ZNF518A: variants seen among roughly 807,000 people sequenced by gnomAD.
ZNF518A encodes the protein zinc finger protein 518A.
Under a neutral mutation model 102.7 loss-of-function variants are expected in ZNF518A, and 47 were observed. That is an observed-to-expected ratio of 0.46 (90% CI 0.36 to 0.58). The LOEUF (loss-of-function observed/expected upper bound fraction) is 0.58. Ranked by LOEUF, ZNF518A falls within the 20% of genes least tolerant of loss-of-function variation. The pLI, the probability that ZNF518A is intolerant of heterozygous loss-of-function variation, is 0.00. For synonymous variants in ZNF518A, 652 were observed against 594.6 expected (o/e 1.10, Z -1.40); for missense variants, 1,793 against 1,699.8 (o/e 1.05, Z -0.96).
chr10:96,168,554 G>C (rs782712871), downstream of ZNF518A, among the ~76,000 whole-genome samples: 22 of 151,574 alleles, frequency 1.5e-4, no homozygotes, highest in Non-Finnish European at 2.5e-4. Context: ...AACAAACTCA[G>C]CTTTTGTCTA....
chr10:96,169,061 C>T (rs782476431), intron 1 of ZNF518A, among the ~76,000 whole-genome samples: 85 of 152,128 alleles, frequency 5.6e-4, no homozygotes, highest in Non-Finnish European at 3.8e-4. Context: ...CTGGTTCTTG[C>T]TCTGTTGCCC....
intron 1 of ZNF518A, among the ~76,000 whole-genome samples, chr10:96,194,204 C>T (rs1033125382): frequency 1.3e-5 from 2 of 152,192 alleles, no homozygotes; most frequent in African/African-American, 4.8e-5. Flanking sequence ...AGGACAGCTT[C>T]TTCACCCACC....
intron 1 of ZNF518A, among the ~76,000 whole-genome samples, chr10:96,194,897 T>C (rs1171202508): frequency 6.7e-5 from 10 of 149,780 alleles, no homozygotes; most frequent in Non-Finnish European, 1.3e-4. Context: ...CAGCCTCCTG[T>C]GTAGCTGGGA....
At chr10:96,142,352 G>GTGTGTGTGTT (rs1554876887) in intron 3 of ZNF518A, among the ~76,000 whole-genome samples, 15 of 127,608 alleles carry the variant, frequency 1.2e-4, no homozygotes, top group Non-Finnish European at 2.3e-4. Flanking sequence ...GTGTGTGTGT[G>GTGTGTGTGTT]TGTTTCTAGA....
chr10:96,186,133 T>C (rs2083270493), intron 1 of ZNF518A, among the ~76,000 whole-genome samples: 1 of 152,186 alleles, frequency 6.6e-6, no homozygotes, highest in South Asian at 2.1e-4. Flanking sequence ...CTGTCACAGC[T>C]TCCCTTGGCT....
chr10:96,193,903 G>A (rs1251741906), intron 1 of ZNF518A, among the ~76,000 whole-genome samples: 2 of 152,168 alleles, frequency 1.3e-5, no homozygotes, highest in African/African-American at 4.8e-5. Context: ...CCATTCAGAT[G>A]TTCAGTGTAT....
intron 1 of ZNF518A, among the ~76,000 whole-genome samples, chr10:96,172,967 A>G (rs1218512115): frequency 3.9e-5 from 6 of 152,144 alleles, no homozygotes; most frequent in Non-Finnish European, 5.9e-5. Context: ...TGGATCAAAA[A>G]TGTAGTTAGG....
intron 1 of ZNF518A, among the ~76,000 whole-genome samples, chr10:96,174,651 G>T (rs1421595123): frequency 2.0e-5 from 3 of 152,064 alleles, no homozygotes; most frequent in Admixed American, 6.6e-5. Context: ...TGACGAGTAA[G>T]GTATTGAAAT....
At chr10:96,203,810 C>A in intron 2 of ZNF518A, 1 of 346,550 alleles carries the variant, frequency 2.9e-6, no homozygotes, top group Non-Finnish European at 5.2e-6. Context: ...AAAAAGGATG[C>A]ATGATCAGTA....
At chr10:96,149,620 A>G (rs1179934131) in intron 3 of ZNF518A, among the ~76,000 whole-genome samples, 1 of 152,198 alleles carries the variant, frequency 6.6e-6, no homozygotes, top group Non-Finnish European at 1.5e-5. Context: ...GTAAAGATTC[A>G]GAATGTAAAA....
intron 1 of ZNF518A, chr10:96,189,224 A>G: frequency 2.7e-6 from 1 of 369,320 alleles, no homozygotes. Context: ...CATTCTTGGC[A>G]ATGGAACCTG....
intron 1 of ZNF518A, chr10:96,189,477 T>C (rs1157123549): frequency 3.0e-5 from 19 of 631,424 alleles, no homozygotes; most frequent in Non-Finnish European, 4.7e-5. Flanking sequence ...ACCACCTTTT[T>C]CTATACTTGC....
At chr10:96,134,014 A>G (rs1377606802) in intron 3 of ZNF518A, among the ~76,000 whole-genome samples, 1 of 152,210 alleles carries the variant, frequency 6.6e-6, no homozygotes, top group Non-Finnish European at 1.5e-5. Context: ...TCTGAATGCT[A>G]AGAATTTTCC....
rs782718982 is a variant in ZNF518A at position 96,159,116 on chromosome 10, G to A, written c.2794G>A (p.Val932Ile). 4 of 1,611,496 alleles carry A rather than the reference G, an allele frequency of 2.5e-6. No homozygotes were observed. The highest frequency in any genetic ancestry group is 2.2e-5 in the East Asian group (1 of 44,892). Reference protein sequence around the residue: ...LNSEQKKTIIVQTSKGFLIPL... With the variant: ...LNSEQKKTIIIQTSKGFLIPL... ...TTCAGAACAAAAAAAAACTATAATT[G>A]TTCAGACTTCAAAAGGATTCTTAAT... is the stretch of plus-strand genomic sequence containing the variant. The change falls in exon 6 of 6, where the codon GTT (valine) becomes ATT (isoleucine). Residue 932 changes from valine to isoleucine, a missense_variant. By Grantham distance (29) the Val-to-Ile change is conservative. This residue lies in a region of ZNF518A where 1,741 missense variants were observed against 1,622.6 expected (regional missense o/e 1.07). Coordinates refer to ENST00000316045, the MANE Select transcript of ZNF518A (RefSeq NM_001330736.2).
chr10:96,182,907 C>T (rs1342541050), intron 1 of ZNF518A, among the ~76,000 whole-genome samples: 1 of 152,230 alleles, frequency 6.6e-6, no homozygotes, highest in Non-Finnish European at 1.5e-5. Flanking sequence ...GTACCACCTC[C>T]TCTTTGTACC....
At chr10:96,172,131 G>A (rs10748661) in intron 1 of ZNF518A, among the ~76,000 whole-genome samples, 46,579 of 151,946 alleles carry the variant, frequency 0.31, 8,250 homozygotes, top group East Asian at 0.67. Context: ...AAGACTGAAA[G>A]CAAATGATGT....
upstream of ZNF518A, chr10:96,130,183 G>C (rs1554870777): frequency 6.5e-6 from 1 of 152,874 alleles, no homozygotes; most frequent in East Asian, 1.9e-4. Context: ...GGGCCACCCA[G>C]CAGGCAAACG....
At chr10:96,164,521 T>G (rs1554889648), downstream of ZNF518A, among the ~76,000 whole-genome samples, 1 of 152,248 alleles carries the variant, frequency 6.6e-6, no homozygotes, top group African/African-American at 2.4e-5. Context: ...TATTAATTTA[T>G]GTATGCCTCT....
chr10:96,145,950 A>G (rs782191236), intron 3 of ZNF518A, among the ~76,000 whole-genome samples: 7 of 152,218 alleles, frequency 4.6e-5, no homozygotes, highest in Admixed American at 6.5e-5. Context: ...ACAGCATTTT[A>G]TGAAACACTG....
Sources: allele counts gnomAD v4.1 joint callset (sites outside exome capture counted in the v4.1 genomes callset), GRCh38; gene constraint gnomAD v4.1.1; regional missense constraint gnomAD v4.1.1; transcripts MANE v1.5; gene names NCBI Gene and HGNC (gene_info 2026-07-23, HGNC 2026-07-21).